SYNPO2: variants seen among roughly 807,000 people sequenced by gnomAD.
SYNPO2 encodes synaptopodin 2, also known as synaptopodin-2.
In SYNPO2, 56 loss-of-function variants were observed where a neutral mutation model predicts 85.0. The observed-to-expected ratio is 0.66, with a 90% CI of 0.53 to 0.82. The LOEUF (loss-of-function observed/expected upper bound fraction) is 0.82, where lower values mean the gene tolerates loss of function less well. SYNPO2 is among the 40% of genes least tolerant of loss of function. The pLI is 0.00. For synonymous variants in SYNPO2, 602 were observed against 591.1 expected (o/e 1.02, Z -0.27); for missense variants, 1,575 against 1,534.2 (o/e 1.03, Z -0.44).
At chr4:118,990,201 G>A (rs116213173) in intron 1 of SYNPO2, among the ~76,000 whole-genome samples, 1,689 of 152,154 alleles carry the variant, frequency 0.011, 38 homozygotes, top group African/African-American at 0.038. Context: ...ATTATTGAAA[G>A]AATGAAGGGA....
chr4:119,029,743 T>C (rs1738130456), intron 3 of SYNPO2, 102 bp from the exon 4 acceptor site: 13 of 1,309,642 alleles, frequency 9.9e-6, no homozygotes, highest in South Asian at 4.0e-5. Context: ...GGCAATTTTT[T>C]ACATATTTAT....
chr4:118,908,569 A>G (rs1386305617), intron 1 of SYNPO2, among the ~76,000 whole-genome samples: 1 of 152,220 alleles, frequency 6.6e-6, no homozygotes, highest in Non-Finnish European at 1.5e-5. Context: ...GCAGGAAGGT[A>G]TTAAAGCTTA....
intron 1 of SYNPO2, among the ~76,000 whole-genome samples, chr4:118,899,807 C>T (rs911426905): frequency 2.6e-5 from 4 of 152,144 alleles, no homozygotes; most frequent in Non-Finnish European, 4.4e-5. Context: ...TGTCACCCAA[C>T]CTGGAGCGCA....
chr4:119,005,221 C>T (rs1354375315), intron 1 of SYNPO2, among the ~76,000 whole-genome samples: 4 of 152,124 alleles, frequency 2.6e-5, no homozygotes, highest in African/African-American at 9.7e-5. Flanking sequence ...TGCAGAAGCT[C>T]TTTAGTTTAA....
At chr4:118,852,171 C>T (rs1731431095) in intron 1 of SYNPO2, among the ~76,000 whole-genome samples, 2 of 152,182 alleles carry the variant, frequency 1.3e-5, no homozygotes, top group South Asian at 4.1e-4. Flanking sequence ...CCACAATGAG[C>T]TGCCATCTCA....
intron 1 of SYNPO2, among the ~76,000 whole-genome samples, chr4:118,881,725 A>G (rs1043866298): frequency 6.6e-6 from 1 of 152,120 alleles, no homozygotes; most frequent in Admixed American, 6.5e-5. Context: ...CGGCACATAG[A>G]TCATAGGGAA....
chr4:119,018,835 T>C (rs1737614441), intron 1 of SYNPO2, among the ~76,000 whole-genome samples: 1 of 152,190 alleles, frequency 6.6e-6, no homozygotes, highest in Non-Finnish European at 1.5e-5. Flanking sequence ...AAAGAAATGA[T>C]AAATATTTGA....
intron 4 of SYNPO2, among the ~76,000 whole-genome samples, chr4:119,045,693 A>AT (rs933480635): frequency 6.6e-6 from 1 of 152,180 alleles, no homozygotes. Flanking sequence ...TTTAACATTT[A>AT]TTTTTTATGT....
intron 1 of SYNPO2, among the ~76,000 whole-genome samples, chr4:118,988,655 G>A (rs918021556): frequency 1.3e-5 from 2 of 152,182 alleles, no homozygotes; most frequent in African/African-American, 2.4e-5. Flanking sequence ...AATGGCCACA[G>A]CTTTCATTTT....
At chr4:119,032,815 T>C (rs1265030663) in intron 4 of SYNPO2, 1 of 891,232 alleles carries the variant, frequency 1.1e-6, no homozygotes, top group African/African-American at 1.8e-5. Context: ...AGGCCGGGAG[T>C]TGGAGACCAG....
At position 119,057,843 on chromosome 4, in the gene SYNPO2, T is replaced by C. The variant is rs1330170315; in HGVS notation, c.3695T>C (p.Ile1232Thr). ...CAGGCTTCAAGAAATGATTCTGCAA[T>C]CATGTCCATGGAAACCAGGTCTGAT... ...YRQASRNDSA[I>T]MSMETRSDYC... The change falls in exon 5 of 5, where the codon ATC becomes ACC. Residue 1232 changes from isoleucine to threonine, a missense_variant. Around this residue, in one of 3 missense-constraint regions of SYNPO2, gnomAD observed 1,508 missense variants for 1,446.8 expected, o/e 1.04. Transcript: ENST00000307142. 6.2e-7 allele frequency: 1 copy of C among 1,613,984 alleles called. No individual in the cohort carries two copies. Among genetic ancestry groups the C allele is most frequent in the East Asian group, 2.2e-5 (1 of 44,878 alleles).
intron 4 of SYNPO2, among the ~76,000 whole-genome samples, chr4:119,038,884 A>AT (rs1446094287): frequency 2.7e-5 from 3 of 110,888 alleles, no homozygotes; most frequent in Non-Finnish European, 5.6e-5. Flanking sequence ...TAAACCTTAC[A>AT]TTTTTTCCAG....
chr4:118,928,840 C>G (rs969863931), intron 1 of SYNPO2, among the ~76,000 whole-genome samples: 1 of 152,154 alleles, frequency 6.6e-6, no homozygotes, highest in Non-Finnish European at 1.5e-5. Context: ...AAAGCAGCTT[C>G]AGAAGCCTTG....
chr4:118,890,733 CTGTGTGTG>C (rs112390582), intron 1 of SYNPO2, among the ~76,000 whole-genome samples: 81 of 126,226 alleles, frequency 6.4e-4, no homozygotes, highest in African/African-American at 2.4e-3. Flanking sequence ...CTCTCTCTCT[CTGTGTGTG>C]TGTGTGTGTG....
chr4:118,940,419 C>T (rs1190618054), intron 1 of SYNPO2, among the ~76,000 whole-genome samples: 2 of 152,160 alleles, frequency 1.3e-5, no homozygotes, highest in East Asian at 3.8e-4. Flanking sequence ...AGAATTACTT[C>T]TGAAATAAGA....
intron 1 of SYNPO2, among the ~76,000 whole-genome samples, chr4:119,021,595 A>G (rs1400032890): frequency 1.3e-5 from 2 of 152,232 alleles, no homozygotes; most frequent in African/African-American, 4.8e-5. Flanking sequence ...TAAGCACATT[A>G]GTATCACTTA....
intron 1 of SYNPO2, among the ~76,000 whole-genome samples, chr4:118,863,629 T>C (rs998920133): frequency 2.6e-5 from 4 of 152,154 alleles, no homozygotes; most frequent in Non-Finnish European, 2.9e-5. Context: ...CTTTTTTTTT[T>C]GAGATAGAGC....
chr4:118,954,046 G>A (rs1734782023), intron 1 of SYNPO2, among the ~76,000 whole-genome samples: 1 of 152,142 alleles, frequency 6.6e-6, no homozygotes, highest in African/African-American at 2.4e-5. Context: ...ATGTGGGACT[G>A]CTCTCTCCTC....
chr4:118,994,697 C>T (rs970632658), intron 1 of SYNPO2, among the ~76,000 whole-genome samples: 2 of 152,196 alleles, frequency 1.3e-5, no homozygotes, highest in African/African-American at 4.8e-5. Flanking sequence ...ATTTACATCA[C>T]ATAACCACAA....
Sources: allele counts gnomAD v4.1 joint callset (sites outside exome capture counted in the v4.1 genomes callset), GRCh38; gene constraint gnomAD v4.1.1; regional missense constraint gnomAD v4.1.1; transcripts MANE v1.5; gene names NCBI Gene and HGNC (gene_info 2026-07-23, HGNC 2026-07-21).